The following SCHIP1 variants were observed in gnomAD, a reference collection of about 807,000 sequenced individuals.
The protein encoded by SCHIP1 is schwannomin interacting protein 1.
A neutral mutation model predicts 29.7 loss-of-function variants in SCHIP1; 8 were observed. The ratio of observed to expected loss-of-function variants is 0.27; its 90% CI spans 0.16 to 0.49. SCHIP1 has a LOEUF of 0.49. Ranked by LOEUF, SCHIP1 falls within the 20% of genes least tolerant of loss-of-function variation. The pLI is 0.99. For missense variants in SCHIP1, 193 were observed against 294.6 expected, an observed-to-expected ratio of 0.66 and a Z score of 2.52; for synonymous variants, 76 against 94.9, an observed-to-expected ratio of 0.80 and a Z score of 1.16.
chr3:159,555,167 A>G, the SCHIP1 span, among the ~76,000 whole-genome samples: 1 of 152,142 alleles, frequency 6.6e-6, no homozygotes, highest in Non-Finnish European at 1.5e-5. Flanking sequence ...TAGGTTCATG[A>G]GTAGGGCTAA....
chr3:159,513,165 A>G, the SCHIP1 span, among the ~76,000 whole-genome samples: 2 of 152,218 alleles, frequency 1.3e-5, no homozygotes, highest in African/African-American at 4.8e-5. Context: ...TTAAATATTC[A>G]TTGAATGGAT....
the SCHIP1 span, among the ~76,000 whole-genome samples, chr3:159,471,085 A>T: frequency 1.3e-5 from 2 of 152,090 alleles, no homozygotes; most frequent in African/African-American, 4.8e-5. Context: ...TAGAAGGGTA[A>T]ATTTTACTGT....
chr3:159,336,272 A>C, the SCHIP1 span, among the ~76,000 whole-genome samples: 5 of 152,018 alleles, frequency 3.3e-5, no homozygotes, highest in African/African-American at 4.8e-5. Flanking sequence ...AGATTGCAAA[A>C]ATTTTCTCCC....
the SCHIP1 span, among the ~76,000 whole-genome samples, chr3:159,541,273 T>C: frequency 6.6e-6 from 1 of 152,076 alleles, no homozygotes; most frequent in Admixed American, 6.6e-5. Context: ...GGGCAATATG[T>C]GTTTTGGAGG....
At chr3:159,440,076 G>C in the SCHIP1 span, among the ~76,000 whole-genome samples, 1 of 152,036 alleles carries the variant, frequency 6.6e-6, no homozygotes, top group East Asian at 1.9e-4. Context: ...AGTTGGTTTT[G>C]CATATGGTGT....
At chr3:159,393,448 T>G in the SCHIP1 span, among the ~76,000 whole-genome samples, 1 of 152,030 alleles carries the variant, frequency 6.6e-6, no homozygotes, top group Non-Finnish European at 1.5e-5. Context: ...TGGTTTTAGG[T>G]CTAACATGTA....
the SCHIP1 span, chr3:159,275,306 C>A: frequency 6.5e-6 from 1 of 154,684 alleles, no homozygotes; most frequent in Non-Finnish European, 1.4e-5. Flanking sequence ...TTTTCACACA[C>A]CATTGCATGT....
chr3:159,325,388 C>T, the SCHIP1 span, among the ~76,000 whole-genome samples: 326 of 152,216 alleles, frequency 2.1e-3, no homozygotes, highest in African/African-American at 7.6e-3. Context: ...ACACCACAAT[C>T]TTTGATATTT....
the SCHIP1 span, among the ~76,000 whole-genome samples, chr3:159,619,583 G>A: frequency 6.6e-6 from 1 of 152,190 alleles, no homozygotes; most frequent in Non-Finnish European, 1.5e-5. Context: ...CCCTGTAAAT[G>A]GATAACCTTT....
At chr3:159,372,247 T>C in the SCHIP1 span, among the ~76,000 whole-genome samples, 3 of 152,134 alleles carry the variant, frequency 2.0e-5, no homozygotes, top group African/African-American at 7.2e-5. Context: ...CATGCTATAT[T>C]TCTCAAGTGT....
At chr3:159,557,680 A>G in the SCHIP1 span, among the ~76,000 whole-genome samples, 6 of 152,206 alleles carry the variant, frequency 3.9e-5, no homozygotes. Flanking sequence ...AATAATCAAA[A>G]TTCACATGCA....
chr3:159,793,680 C>T, the SCHIP1 span, among the ~76,000 whole-genome samples: 1 of 152,126 alleles, frequency 6.6e-6, no homozygotes, highest in Non-Finnish European at 1.5e-5. Flanking sequence ...GCCTCAGCCT[C>T]CCAAGTAGCT....
intron 1 of SCHIP1, among the ~76,000 whole-genome samples, chr3:159,842,614 G>A (rs906558991): frequency 3.9e-5 from 6 of 151,972 alleles, no homozygotes; most frequent in East Asian, 1.9e-4. Context: ...CTTGGACTCC[G>A]CTCCTACATT....
the SCHIP1 span, among the ~76,000 whole-genome samples, chr3:159,587,739 G>C: frequency 6.6e-6 from 1 of 151,996 alleles, no homozygotes; most frequent in Non-Finnish European, 1.5e-5. Flanking sequence ...TTGTCCCTGT[G>C]TTAGTTGCTG....
the SCHIP1 span, among the ~76,000 whole-genome samples, chr3:159,366,858 T>C: frequency 5.3e-5 from 8 of 152,220 alleles, no homozygotes; most frequent in African/African-American, 1.9e-4. Context: ...AGGAATGCTA[T>C]TTATTTTTTA....
exon 5 of SCHIP1, chr3:159,888,853 A>T: frequency 6.2e-7 from 1 of 1,614,124 alleles, no homozygotes; most frequent in Non-Finnish European, 8.5e-7. Context: ...TGAATGCTTG[A>T]TGAAAAGAAG....
the SCHIP1 span, among the ~76,000 whole-genome samples, chr3:159,750,217 T>G: frequency 1.3e-4 from 19 of 149,288 alleles, no homozygotes; most frequent in Non-Finnish European, 2.4e-4. Context: ...TCCAAGCAGA[T>G]GCACTGGTCA....
At chr3:159,367,139 A>G in the SCHIP1 span, among the ~76,000 whole-genome samples, 1 of 152,210 alleles carries the variant, frequency 6.6e-6, no homozygotes, top group Non-Finnish European at 1.5e-5. Context: ...TCTCTTTAAG[A>G]GCCTCCAGGT....
chr3:159,861,962 G>A lies in SCHIP1; in HGVS notation c.31-4201G>A, dbSNP rs753021318. On this transcript the variant is annotated intron_variant, in intron 1 of 6. Coordinates refer to ENST00000445224, the Ensembl canonical transcript of SCHIP1. The surrounding 1 kb of genome is among the most constrained non-coding windows in gnomAD (Gnocchi z 4.1). ...GGTATAATTCCTCAGAGAACAAACCGCCCTTGAAACCACACACACATATAT... is the reference window on the plus strand; with the variant it reads ...GGTATAATTCCTCAGAGAACAAACCACCCTTGAAACCACACACACATATAT... Among the ~76,000 whole-genome samples the A allele has an allele frequency of 1.1e-4, 16 of 152,124 alleles. 1 individual carries two copies. Among genetic ancestry groups the A allele is most frequent in the Admixed American group, 7.9e-4 (12 of 15,272 alleles).
Sources: allele counts gnomAD v4.1 joint callset (sites outside exome capture counted in the v4.1 genomes callset), GRCh38; gene constraint gnomAD v4.1.1; non-coding constraint Gnocchi (gnomAD v3.1); transcripts MANE v1.5; gene names NCBI Gene and HGNC (gene_info 2026-07-23, HGNC 2026-07-21).